The following AGPAT3 variants were observed in gnomAD, a reference collection of about 807,000 sequenced individuals.
AGPAT3 encodes the protein 1-acyl-sn-glycerol-3-phosphate acyltransferase gamma.
AGPAT3 carries 5 observed loss-of-function variants against 47.3 expected under a neutral mutation model. The observed-to-expected ratio is 0.11, with a 90% CI of 0.06 to 0.22. The LOEUF (loss-of-function observed/expected upper bound fraction) is 0.22. Ranked by LOEUF, AGPAT3 falls within the 10% of genes least tolerant of loss-of-function variation. AGPAT3 has a pLI of 1.00. For missense variants in AGPAT3, 315 were observed against 493.0 expected (o/e 0.64, Z 3.42); for synonymous variants, 212 against 208.3 (o/e 1.02, Z -0.15).
chr21:43,872,263 C>T (rs191751494), intron 1 of AGPAT3, among the ~76,000 whole-genome samples: 117 of 152,088 alleles, frequency 7.7e-4, no homozygotes, highest in African/African-American at 2.6e-3. Flanking sequence ...TCACTGCAAC[C>T]TCTGCCTCCC....
chr21:43,938,878 A>G (rs932551826), intron 2 of AGPAT3, among the ~76,000 whole-genome samples: 1 of 152,118 alleles, frequency 6.6e-6, no homozygotes, highest in Non-Finnish European at 1.5e-5. Flanking sequence ...CAGTCACCTG[A>G]AGCCTTGTGG....
chr21:43,972,983 C>T (rs950629292), intron 7 of AGPAT3, among the ~76,000 whole-genome samples: 1 of 152,202 alleles, frequency 6.6e-6, no homozygotes, highest in Non-Finnish European at 1.5e-5. Context: ...AGCCTGCCCA[C>T]GGTGGCCACA....
chr21:43,962,206 G>A (rs1438083687), intron 3 of AGPAT3, among the ~76,000 whole-genome samples: 3 of 152,046 alleles, frequency 2.0e-5, no homozygotes, highest in African/African-American at 7.2e-5. Context: ...GTTTCACTGT[G>A]TTAGCCAGGA....
rs2087357611 is a variant in AGPAT3 at position 43,934,224 on chromosome 21, C to A, written c.-48-25410C>A. Reference sequence around the variant, plus strand: ...TATGCCAGTCCCCTGAGAACCAGCTCCCTGAGCACGCCAGCCCCCCAAGGA... The same window carrying A: ...TATGCCAGTCCCCTGAGAACCAGCTACCTGAGCACGCCAGCCCCCCAAGGA... On this transcript the variant is annotated intron_variant, in intron 2 of 9. Coordinates refer to ENST00000291572, the MANE Select transcript of AGPAT3 (RefSeq NM_020132.5). The surrounding 1 kb of genome is among the most constrained non-coding windows in gnomAD (Gnocchi z 4.7). Among the ~76,000 whole-genome samples, 1 of 152,148 alleles carries A rather than the reference C, an allele frequency of 6.6e-6. No homozygotes were observed. The highest frequency in any genetic ancestry group is 1.5e-5 in the Non-Finnish European group (1 of 68,014).
At chr21:43,900,569 T>A (rs908480175) in intron 1 of AGPAT3, among the ~76,000 whole-genome samples, 1 of 152,026 alleles carries the variant, frequency 6.6e-6, no homozygotes, top group African/African-American at 2.4e-5. Flanking sequence ...AAGAAAAATA[T>A]GGAAGAAGAG....
rs1009269744 is a variant in AGPAT3, at chr21:43,982,150, G to A, written c.1043-154G>A. Among the ~76,000 whole-genome samples the A allele has an allele frequency of 2.6e-5, 4 of 152,184 alleles. No individual in the cohort carries two copies. Among genetic ancestry groups the A allele is most frequent in the African/African-American group, 9.7e-5 (4 of 41,444 alleles). On this transcript the variant is annotated intron_variant, in intron 9 of 9. Transcript: ENST00000291572. This position sits in a 1 kb window ranked among gnomAD's most constrained non-coding sequence, Gnocchi z 6.2. The stretch of plus-strand genomic sequence containing the variant: ...CACGGTCTGAGAGGGCTGTCTCCCC[G>A]CGGGCCACACCTACTCACTGACAGC...
chr21:43,892,645 T>C (rs1480529203), intron 1 of AGPAT3, among the ~76,000 whole-genome samples: 1 of 152,244 alleles, frequency 6.6e-6, no homozygotes, highest in East Asian at 1.9e-4. Context: ...TATATGAGCA[T>C]TGGCTTCAAC....
chr21:43,963,252 C>G (rs1014376788), intron 3 of AGPAT3, among the ~76,000 whole-genome samples: 1 of 152,160 alleles, frequency 6.6e-6, no homozygotes, highest in South Asian at 2.1e-4. Context: ...CCCCCATCCC[C>G]AAAGGAGAGA....
At chr21:43,879,043 C>T (rs1368194936) in intron 1 of AGPAT3, among the ~76,000 whole-genome samples, 1 of 152,092 alleles carries the variant, frequency 6.6e-6, no homozygotes, top group East Asian at 1.9e-4. Flanking sequence ...CTTGGCTTGT[C>T]TTCTAGTTTT....
At chr21:43,958,884 ATGG>A (rs2088641098) in intron 2 of AGPAT3, among the ~76,000 whole-genome samples, 1 of 53,286 alleles carries the variant, frequency 1.9e-5, no homozygotes, top group South Asian at 6.6e-4. Context: ...TGTGGTGTGT[ATGG>A]TGTGTGTGTG....
intron 2 of AGPAT3, among the ~76,000 whole-genome samples, chr21:43,923,252 G>A (rs891941002): frequency 1.3e-4 from 20 of 148,314 alleles, no homozygotes; most frequent in African/African-American, 4.2e-4. Flanking sequence ...TGTCTGGGGG[G>A]CACTCCATGT....
chr21:43,945,064 G>A (rs371336736), intron 2 of AGPAT3, among the ~76,000 whole-genome samples: 14 of 152,340 alleles, frequency 9.2e-5, no homozygotes, highest in African/African-American at 3.4e-4. Context: ...ACAGTTTGGA[G>A]GCATCTGCTG....
chr21:43,984,938 C>T lies in AGPAT3; in HGVS notation c.*2546C>T. ...TGTCGGGGTGAGGCACATTCTAGGC[C>T]TGGCATCGCTGATGCCCTCTGCACC... On this transcript the variant is annotated 3_prime_UTR_variant, in exon 10 of 10. Coordinates refer to ENST00000291572, the MANE Select transcript of AGPAT3 (RefSeq NM_020132.5). 1 of 359,120 alleles carries T rather than the reference C, an allele frequency of 2.8e-6. No homozygotes were observed. The highest frequency in any genetic ancestry group is 5.6e-6 in the Non-Finnish European group (1 of 179,876). The allele number at this position is 359,120 out of a possible 1,614,324, so 22.2% of individuals were successfully genotyped here. A position where few individuals can be genotyped will look rare whatever the true frequency, so the allele number is the denominator to read the frequency against.
chr21:43,879,419 G>A (rs903794292), intron 1 of AGPAT3, among the ~76,000 whole-genome samples: 4 of 149,666 alleles, frequency 2.7e-5, no homozygotes, highest in South Asian at 4.2e-4. Context: ...TGTGAATACC[G>A]TATAAAGCAC....
chr21:43,985,556 T>C lies in AGPAT3; in HGVS notation c.*3164T>C, dbSNP rs1307067297. ...GTTGATTTGAAGGAAAAGCCGTGGTTGGACCCAGCTGTGTGTTTCACTCAC... is the reference window on the plus strand; with the variant it reads ...GTTGATTTGAAGGAAAAGCCGTGGTCGGACCCAGCTGTGTGTTTCACTCAC... On this transcript the variant is annotated 3_prime_UTR_variant, in exon 10 of 10. Coordinates refer to ENST00000291572, the MANE Select transcript of AGPAT3 (RefSeq NM_020132.5). 1 of 273,876 alleles carries C rather than the reference T, an allele frequency of 3.7e-6. No individual in the cohort carries two copies. The highest frequency in any genetic ancestry group is 7.1e-6 in the Non-Finnish European group (1 of 140,234). 17.0% of individuals were successfully genotyped at this position (273,876 alleles called of 1,614,324 possible).
intron 2 of AGPAT3, chr21:43,946,794 CGTGT>C: frequency 6.6e-6 from 1 of 152,338 alleles, no homozygotes; most frequent in South Asian, 2.1e-4. Flanking sequence ...TGTACATGGG[CGTGT>C]GTGTGTTTTG....
chr21:43,954,978 A>C lies in AGPAT3; in HGVS notation c.-48-4656A>C. On this transcript the variant is annotated intron_variant, in intron 2 of 9. Transcript: ENST00000291572. This position sits in a 1 kb window ranked among gnomAD's most constrained non-coding sequence, Gnocchi z 4.0. Reference sequence around the variant, plus strand: ...CGCTTTGTGACACCGAGGACGGTTGATAAAGTGGATTCTCGAGGGGAAGCT... The same window carrying C: ...CGCTTTGTGACACCGAGGACGGTTGCTAAAGTGGATTCTCGAGGGGAAGCT... 2.7e-6 allele frequency: 3 copies of C among 1,110,828 alleles called. No homozygotes were observed. Among genetic ancestry groups the C allele is most frequent in the Non-Finnish European group, 3.4e-6 (3 of 888,538 alleles). 68.8% of individuals were successfully genotyped at this position (1,110,828 alleles called of 1,614,324 possible).
rs148660309 is a variant in AGPAT3 at position 43,902,601 on chromosome 21, T to C, written c.-111-1356T>C. Among the ~76,000 whole-genome samples, 42 of 152,350 alleles carry C rather than the reference T, an allele frequency of 2.8e-4. No individual in the cohort carries two copies. In the East Asian group the frequency reaches 8.1e-3, roughly 29 times the overall value. Reference sequence around the variant, plus strand: ...ATAGGAAGCAGCTGGCCCGTGTCTTTTGGCATAATGGCACCAATCCCATTT... The same window carrying C: ...ATAGGAAGCAGCTGGCCCGTGTCTTCTGGCATAATGGCACCAATCCCATTT... On this transcript the variant is annotated intron_variant, in intron 1 of 9. Coordinates refer to ENST00000291572, the MANE Select transcript of AGPAT3 (RefSeq NM_020132.5).
chr21:43,867,902 G>C (rs947373018), intron 1 of AGPAT3, among the ~76,000 whole-genome samples: 1 of 152,144 alleles, frequency 6.6e-6, no homozygotes, highest in African/African-American at 2.4e-5. Context: ...GGTTTTAAAC[G>C]GGTCGTTTCA....
Sources: gnomAD v4.1 joint callset for allele counts (sites outside exome capture counted in the v4.1 genomes callset) on GRCh38, gnomAD v4.1.1 for gene constraint, Gnocchi (gnomAD v3.1) non-coding constraint, MANE v1.5 for transcripts, NCBI Gene and HGNC (gene_info 2026-07-23, HGNC 2026-07-21) for gene names.